The following ETFRF1 variants were observed in gnomAD, a reference collection of about 807,000 sequenced individuals.
ETFRF1 encodes LYR motif containing 5.
In ETFRF1, 12 loss-of-function variants were observed where a neutral mutation model predicts 9.0. The observed-to-expected ratio is 1.34, with a 90% confidence interval of 0.86 to 2.16. ETFRF1 has a LOEUF of 2.16. Among genes scored for constraint, ETFRF1 ranks in the 30% most tolerant of loss-of-function variants. The pLI is 0.00. For missense variants in ETFRF1, 98 were observed against 101.8 expected (o/e 0.96, Z 0.16); for synonymous variants, 34 against 33.2 (o/e 1.02, Z -0.08).
intron 1 of ETFRF1, among the ~76,000 whole-genome samples, chr12:25,201,167 T>C (rs558729524): frequency 6.6e-6 from 1 of 152,322 alleles, no homozygotes; most frequent in African/African-American, 2.4e-5. Flanking sequence ...AAGCAGAAAA[T>C]AGCCTTCCTC....
chr12:25,204,016 T>TTA lies in ETFRF1; in HGVS notation c.51+11_51+12dup, dbSNP rs771479401. 100 of 1,518,062 alleles carry TTA rather than the reference T, an allele frequency of 6.6e-5. No individual in the cohort carries two copies. In the African/African-American group the frequency reaches 1.3e-3, roughly 20 times the overall value. 94.0% of individuals were successfully genotyped at this position (1,518,062 alleles called of 1,614,324 possible). ...TAAAACTTTATAAAAATGTAAGTAATTATGTTGCCAATTTTATAAAAATGT... is the reference window on the plus strand; with the variant it reads ...TAAAACTTTATAAAAATGTAAGTAATTATATGTTGCCAATTTTATAAAAATGT... On this transcript the variant is annotated intron_variant, in intron 2 of 2. Coordinates refer to ENST00000381356, the MANE Select transcript of ETFRF1 (RefSeq NM_001001660.3).
intron 1 of ETFRF1, among the ~76,000 whole-genome samples, chr12:25,201,543 T>G (rs371461246): frequency 6.6e-6 from 1 of 152,150 alleles, no homozygotes; most frequent in Admixed American, 6.6e-5. Flanking sequence ...ACATGGGGGC[T>G]TCTAAGACTT....
At chr12:25,195,523 A>G (rs1355854066) in intron 1 of ETFRF1, 186 bp downstream of exon 1, 3 of 273,628 alleles carry the variant, frequency 1.1e-5, no homozygotes, top group East Asian at 9.7e-5. Flanking sequence ...GGAAACAGGC[A>G]TGCGACTGGT....
chr12:25,203,455 A>T (rs1474697044), intron 1 of ETFRF1, among the ~76,000 whole-genome samples: 1 of 152,196 alleles, frequency 6.6e-6, no homozygotes, highest in African/African-American at 2.4e-5. Context: ...TCAGCATTTG[A>T]TCAGGCTTCT....
intron 1 of ETFRF1, among the ~76,000 whole-genome samples, chr12:25,201,803 CAGG>C (rs1314105674): frequency 1.3e-5 from 2 of 152,040 alleles, no homozygotes; most frequent in East Asian, 3.9e-4. Context: ...CAGAAGTTAA[CAGG>C]AGAACTTAAA....
At chr12:25,199,020 C>T (rs943147606) in intron 1 of ETFRF1, among the ~76,000 whole-genome samples, 2 of 152,094 alleles carry the variant, frequency 1.3e-5, no homozygotes, top group Non-Finnish European at 2.9e-5. Context: ...TTCAGCATCT[C>T]TTAGCTCTGT....
Position 25,195,298 on chromosome 12 carries a change from C to T in ETFRF1, c.-77C>T, listed in dbSNP as rs991958153. 3.3e-6 allele frequency: 2 copies of T among 614,240 alleles called. No homozygotes were observed. Among genetic ancestry groups the T allele is most frequent in the Admixed American group, 2.8e-5 (1 of 35,726 alleles). The allele number at this position is 614,240 out of a possible 1,614,324, so 38.0% of individuals were successfully genotyped here. On this transcript the variant is annotated 5_prime_UTR_variant, in exon 1 of 3. Transcript: ENST00000381356. Reference sequence around the variant, plus strand: ...CTTCGCAGTAGACGGACAGAGGAGTCGTAGCGGTCGAGGCTTTTGCGGCTC... The same window carrying T: ...CTTCGCAGTAGACGGACAGAGGAGTTGTAGCGGTCGAGGCTTTTGCGGCTC...
At chr12:25,199,348 T>C (rs1314420026) in intron 1 of ETFRF1, among the ~76,000 whole-genome samples, 2 of 44 alleles carry the variant, frequency 0.045, no homozygotes, top group Non-Finnish European at 0.071. Context: ...TACTATGTAG[T>C]ATATAGTAAT....
In ETFRF1 at chr12:25,204,199, G is replaced by C; in HGVS notation, c.160G>C (p.Glu54Gln). ...TGTGAAGAATCCAGAGAAGATCAAA[G>C]AACTTATTGCACAGGGCGAATTTGT... is the stretch of plus-strand genomic sequence containing the variant. ...KDVKNPEKIK[E>Q]LIAQGEFVMK... Residue 54 changes from glutamate (E) to glutamine (Q), a missense_variant, in exon 3 of 3, where the codon GAA (glutamate) becomes CAA (glutamine). Transcript: ENST00000381356. 6.2e-7 allele frequency: 1 copy of C among 1,613,158 alleles called. No individual in the cohort carries two copies. Among genetic ancestry groups the C allele is most frequent in the Non-Finnish European group, 8.5e-7 (1 of 1,179,578 alleles).
chr12:25,204,154 A>G lies in ETFRF1; in HGVS notation c.115A>G (p.Ile39Val), dbSNP rs779088742. 1.1e-5 allele frequency: 18 copies of G among 1,612,406 alleles called. No homozygotes were observed. The South Asian group carries it at 2.0e-4, about 18-fold the overall frequency. ...CTATTTTAAAAAGCGTTTGAAGAAC[A>G]TTTTCCTTAAAAACAAAGATGTGAA... ...ADYFKKRLKN[I>V]FLKNKDVKNP... The change falls in exon 3 of 3, where the codon ATT becomes GTT. Residue 39 changes from isoleucine (I) to valine (V), a missense_variant. Ile to Val is a conservative substitution (Grantham distance 29). Coordinates refer to ENST00000381356, the MANE Select transcript of ETFRF1 (RefSeq NM_001001660.3).
In ETFRF1 at chr12:25,204,509, A is replaced by G. The variant is rs1267169680; in HGVS notation, c.*197A>G. 4.5e-5 allele frequency: 19 copies of G among 418,418 alleles called. No individual in the cohort carries two copies. Among genetic ancestry groups the G allele is most frequent in the Non-Finnish European group, 1.7e-5 (4 of 240,438 alleles). The allele number at this position is 418,418 out of a possible 1,614,324, so 25.9% of individuals were successfully genotyped here. A position where few individuals can be genotyped will look rare whatever the true frequency, so the allele number is the denominator to read the frequency against. On this transcript the variant is annotated 3_prime_UTR_variant, in exon 3 of 3. Coordinates refer to ENST00000381356, the MANE Select transcript of ETFRF1 (RefSeq NM_001001660.3). ...CTTTATGCTCAATTTTGATACAAAC[A>G]TAGCAATTTAGCTATACTACCGATC...
Position 25,201,699 on chromosome 12 carries a change from A to T in ETFRF1, c.-37-2221A>T, listed in dbSNP as rs184722102. 4.5e-4 allele frequency among the ~76,000 whole-genome samples: 69 copies of T among 152,334 alleles called. 1 individual carries two copies. The highest frequency in any genetic ancestry group is 1.5e-3 in the African/African-American group (64 of 41,580). ...GAAGGCACTGGCACCCTGCCTTTCA[A>T]ATTGTAAAAGGTGTAAATTTTGCAA... On this transcript the variant is annotated intron_variant, in intron 1 of 2. Coordinates refer to ENST00000381356, the MANE Select transcript of ETFRF1 (RefSeq NM_001001660.3).
rs1292991495 is a variant in ETFRF1, at chr12:25,204,095, T to C, written c.56T>C (p.Leu19Pro). 2 of 1,579,482 alleles carry C rather than the reference T, an allele frequency of 1.3e-6. No homozygotes were observed. Among genetic ancestry groups the C allele is most frequent in the Non-Finnish European group, 1.7e-6 (2 of 1,160,908 alleles). Residue 19 changes from leucine (L) to proline (P), a missense_variant, in exon 3 of 3, where the codon CTG (leucine) becomes CCG (proline). Coordinates refer to ENST00000381356, the MANE Select transcript of ETFRF1 (RefSeq NM_001001660.3). ...ATATAATCTTTCTTTTTGAAGCTGC[T>C]GTATCTTGGACGAGACTATCCAAAA... ...GEVLKLYKNL[L>P]YLGRDYPKGA...
chr12:25,203,786 C>G (rs949487667), intron 1 of ETFRF1, 134 bp from the exon 2 acceptor site: 7 of 512,328 alleles, frequency 1.4e-5, no homozygotes, highest in Middle Eastern at 5.4e-4. Flanking sequence ...TATCCCAGTA[C>G]GTGGAACGAA....
rs918218545 is a variant in ETFRF1 at position 25,195,357 on chromosome 12, G to A, written c.-38+20G>A. The A allele has an allele frequency of 3.4e-6, 2 of 590,298 alleles. No individual in the cohort carries two copies. The highest frequency in any genetic ancestry group is 3.0e-5 in the Admixed American group (1 of 33,462). 36.6% of individuals were successfully genotyped at this position (590,298 alleles called of 1,614,324 possible). ...CGGAAAGTGCGTGAGTGCCGCCGCC[G>A]GGGAGTTTTGTTCCATTTCCCGGAT... On this transcript the variant is annotated intron_variant, in intron 1 of 2. Transcript: ENST00000381356.
At chr12:25,195,900 C>A (rs914002009) in intron 1 of ETFRF1, 4 of 152,208 alleles carry the variant, frequency 2.6e-5, no homozygotes, top group Admixed American at 2.6e-4. Context: ...AACGCCGGCA[C>A]CTTACACCGA....
At chr12:25,202,063 C>CACAAAAAAAAAAAAAAAA (rs1951077710) in intron 1 of ETFRF1, among the ~76,000 whole-genome samples, 1 of 52,814 alleles carries the variant, frequency 1.9e-5, no homozygotes, top group African/African-American at 5.9e-5. Context: ...TACTGAAATA[C>CACAAAAAAAAAAAAAAAA]AAAAAAAAAA....
At chr12:25,199,325 A>G (rs571289390) in intron 1 of ETFRF1, among the ~76,000 whole-genome samples, 2 of 115,892 alleles carry the variant, frequency 1.7e-5, no homozygotes, top group East Asian at 2.4e-4. Flanking sequence ...TATAGTACAT[A>G]TAGTACATAC....
rs137943199 is a variant in ETFRF1, at chr12:25,197,068, C to T, written c.-38+1731C>T. 2.7e-3 allele frequency among the ~76,000 whole-genome samples: 408 copies of T among 152,016 alleles called. 6 individuals carry two copies. Among genetic ancestry groups the T allele is most frequent in the Admixed American group, 0.018 (278 of 15,260 alleles). ...CTGCTCTGGAGGCTGAGACGGGAATCGCTTGAACCCGGGAGAGGGAGGTTG... is the reference window on the plus strand; with the variant it reads ...CTGCTCTGGAGGCTGAGACGGGAATTGCTTGAACCCGGGAGAGGGAGGTTG... On this transcript the variant is annotated intron_variant, in intron 1 of 2. Coordinates refer to ENST00000381356, the MANE Select transcript of ETFRF1 (RefSeq NM_001001660.3).
Sources: gnomAD v4.1 joint callset for allele counts (sites outside exome capture counted in the v4.1 genomes callset) on GRCh38, gnomAD v4.1.1 for gene constraint, MANE v1.5 for transcripts, NCBI Gene and HGNC (gene_info 2026-07-23, HGNC 2026-07-21) for gene names.